GK: variants seen among roughly 807,000 people sequenced by gnomAD.
GK encodes glycerol kinase.
A neutral mutation model predicts 56.4 loss-of-function variants in GK; 9 were observed. The ratio of observed to expected loss-of-function variants is 0.16; its 90% CI spans 0.10 to 0.28. GK has a LOEUF of 0.28. GK is among the 10% of genes least tolerant of loss of function. GK has a pLI of 1.00. For synonymous variants in GK, 104 were observed against 144.1 expected (o/e 0.72, Z 1.99); for missense variants, 161 against 431.4 (o/e 0.37, Z 5.55).
At chrX:30,654,562 G>A (rs761261402) in intron 1 of GK, among the ~76,000 whole-genome samples, 1 of 110,231 alleles carries the variant, frequency 9.1e-6, no homozygotes, top group Non-Finnish European at 1.9e-5. Context: ...GGCCAACCTG[G>A]CATAACAAAA....
rs1191030662 is a variant in GK, at chrX:30,653,629, G to A, written c.78+14G>A. 2 of 1,186,973 alleles carry A rather than the reference G, an allele frequency of 1.7e-6. No individual in the cohort carries two copies. The highest frequency in any genetic ancestry group is 2.3e-6 in the Non-Finnish European group (2 of 872,619). ...ACGCGCTTTTTGGTGAGCCCGGGGT[G>A]ACATGTGAAGAGGCGCTGAGCCGGG... On this transcript the variant is annotated intron_variant, in intron 1 of 20. Coordinates refer to ENST00000427190, the MANE Select transcript of GK (RefSeq NM_001205019.2).
chrX:30,726,572 C>G (rs752085416), intron 19 of GK, among the ~76,000 whole-genome samples: 1 of 111,898 alleles, frequency 8.9e-6, no homozygotes, highest in Non-Finnish European at 1.9e-5. Flanking sequence ...CAGGCGTGAG[C>G]CACTGCACCC....
chrX:30,671,240 G>A (rs1192415606), intron 3 of GK, among the ~76,000 whole-genome samples: 1 of 97,940 alleles, frequency 1.0e-5, no homozygotes, highest in Non-Finnish European at 2.0e-5. Flanking sequence ...GCAGTGAGCC[G>A]AGATGGCGCC....
intron 4 of GK, among the ~76,000 whole-genome samples, chrX:30,684,786 G>A (rs1235310948): frequency 9.1e-6 from 1 of 109,324 alleles, no homozygotes; most frequent in Non-Finnish European, 1.9e-5. Context: ...AAAATATTTC[G>A]TTGTCCCTGA....
At chrX:30,675,659 C>T (rs1013284750) in intron 3 of GK, among the ~76,000 whole-genome samples, 18 of 107,318 alleles carry the variant, frequency 1.7e-4, no homozygotes, top group Middle Eastern at 4.8e-3. Context: ...GCGTGCACCA[C>T]CATACCCCCC....
chrX:30,664,198 GA>G (rs1286533786), intron 1 of GK, among the ~76,000 whole-genome samples: 3 of 89,374 alleles, frequency 3.4e-5, no homozygotes, highest in Non-Finnish European at 6.4e-5. Flanking sequence ...TATATATATA[GA>G]TTTTTTTTTT....
At chrX:30,692,230 A>C (rs1934976678) in intron 5 of GK, among the ~76,000 whole-genome samples, 1 of 110,946 alleles carries the variant, frequency 9.0e-6, no homozygotes, top group Admixed American at 9.6e-5. Flanking sequence ...GTCCTGAATA[A>C]ATCATTTTCT....
At chrX:30,718,693 C>T in intron 14 of GK, 77 bp downstream of exon 14, 2 of 610,444 alleles carry the variant, frequency 3.3e-6, no homozygotes, top group South Asian at 2.3e-5. Flanking sequence ...AAAGTAAATA[C>T]TTATGCTTTG....
intron 1 of GK, among the ~76,000 whole-genome samples, chrX:30,656,977 A>G (rs755966641): frequency 1.9e-4 from 21 of 111,964 alleles, no homozygotes; most frequent in African/African-American, 6.5e-4. Context: ...CAGCCTCCTG[A>G]GTAGCTGGGA....
At chrX:30,703,142 G>C (rs1935779230) in intron 11 of GK, among the ~76,000 whole-genome samples, 1 of 111,991 alleles carries the variant, frequency 8.9e-6, no homozygotes, top group East Asian at 2.8e-4. Flanking sequence ...GAGGGTACAG[G>C]GAACATTGAA....
intron 1 of GK, among the ~76,000 whole-genome samples, chrX:30,662,363 A>C (rs1179341981): frequency 6.2e-5 from 7 of 112,160 alleles, no homozygotes; most frequent in Non-Finnish European, 1.3e-4. Context: ...GGCTACATAC[A>C]CTAAGGTGGT....
chrX:30,672,449 A>T (rs952859742), intron 3 of GK, among the ~76,000 whole-genome samples: 12 of 111,562 alleles, frequency 1.1e-4, no homozygotes, highest in African/African-American at 3.9e-4. Flanking sequence ...AAATGTTTCC[A>T]GCAGCAGCCA....
chrX:30,708,680 C>T, intron 13 of GK, among the ~76,000 whole-genome samples: 1 of 111,536 alleles, frequency 9.0e-6, no homozygotes, highest in Non-Finnish European at 1.9e-5. Context: ...ATATGCCAGC[C>T]TAAGCCTATA....
chrX:30,711,129 T>TC lies in GK; in HGVS notation c.975+2995_975+2996insC, dbSNP rs1441673179. On this transcript the variant is annotated intron_variant, in intron 13 of 20. Transcript: ENST00000427190. ...ACTTTTTTCCTTTTTTTCTTCTTCT[T>TC]TTTTTTTTTGCTGAGGGGCATCCTT... Among the ~76,000 whole-genome samples the TC allele has an allele frequency of 3.7e-5, 4 of 108,309 alleles. 1 individual carries two copies. The South Asian group carries it at 1.5e-3, about 41-fold the overall frequency. The allele number at this position is 108,309 out of a possible 115,157, so 94.1% of individuals were successfully genotyped here.
At chrX:30,686,011 T>C (rs1934590111) in intron 4 of GK, among the ~76,000 whole-genome samples, 1 of 112,625 alleles carries the variant, frequency 8.9e-6, no homozygotes. Context: ...GATGAAATGA[T>C]TGGTTTATAC....
At chrX:30,671,409 T>C (rs1322564405) in intron 3 of GK, among the ~76,000 whole-genome samples, 2 of 110,628 alleles carry the variant, frequency 1.8e-5, no homozygotes, top group Admixed American at 9.6e-5. Context: ...AGCTTTTTAG[T>C]GGTAGATTAA....
intron 13 of GK, among the ~76,000 whole-genome samples, chrX:30,711,479 A>G (rs1021618962): frequency 9.0e-6 from 1 of 111,500 alleles, no homozygotes; most frequent in Non-Finnish European, 1.9e-5. Context: ...TCAGATCTGG[A>G]AAGTTCTCAG....
Position 30,689,428 on chromosome X carries a change from T to C in GK, c.338-1695T>C, listed in dbSNP as rs1469398318. On this transcript the variant is annotated intron_variant, in intron 4 of 20. Coordinates refer to ENST00000427190, the MANE Select transcript of GK (RefSeq NM_001205019.2). ...AATAGAAAATTCTATTTCAACTAAA[T>C]GAAGTTTAAAGCAGGGGGCAGTTCT... is the stretch of plus-strand genomic sequence containing the variant. 9.5e-6 allele frequency: 3 copies of C among 316,922 alleles called. No homozygotes were observed. In the East Asian group the frequency reaches 3.0e-4, roughly 32 times the overall value. 26.1% of individuals were successfully genotyped at this position (316,922 alleles called of 1,213,427 possible). A position where few individuals can be genotyped will look rare whatever the true frequency, so the allele number is the denominator to read the frequency against.
intron 1 of GK, among the ~76,000 whole-genome samples, chrX:30,662,624 G>A (rs754823505): frequency 1.9e-4 from 21 of 111,727 alleles, no homozygotes; most frequent in African/African-American, 6.2e-4. Context: ...AGCCCCATAG[G>A]TCTGCTATTG....
Sources: gnomAD v4.1 joint callset for allele counts (sites outside exome capture counted in the v4.1 genomes callset) on GRCh38, gnomAD v4.1.1 for gene constraint, MANE v1.5 for transcripts, NCBI Gene and HGNC (gene_info 2026-07-23, HGNC 2026-07-21) for gene names.